The following LDLRAD4 variants were observed in gnomAD, a reference collection of about 807,000 sequenced individuals.
The protein encoded by LDLRAD4 is low-density lipoprotein receptor class A domain-containing protein 4.
Under a neutral mutation model 17.0 loss-of-function variants are expected in LDLRAD4, and 5 were observed. The observed-to-expected ratio is 0.29, with a 90% CI of 0.15 to 0.62. LDLRAD4 has a LOEUF of 0.62. LDLRAD4 is among the 20% of genes least tolerant of loss of function. The pLI is 0.84. For synonymous variants in LDLRAD4, 168 were observed against 171.8 expected (o/e 0.98, Z 0.17); for missense variants, 340 against 424.7 (o/e 0.80, Z 1.75).
At chr18:13,397,565 C>T (rs2086803480) in intron 2 of LDLRAD4, among the ~76,000 whole-genome samples, 1 of 152,186 alleles carries the variant, frequency 6.6e-6, no homozygotes, top group Non-Finnish European at 1.5e-5. Context: ...CTGTTCCCTG[C>T]TGGGTTTGTC....
At chr18:13,443,485 C>G (rs1432352074) in intron 3 of LDLRAD4, among the ~76,000 whole-genome samples, 1 of 152,154 alleles carries the variant, frequency 6.6e-6, no homozygotes, top group African/African-American at 2.4e-5. Context: ...CCATAATTCT[C>G]TATATTAGAG....
intron 3 of LDLRAD4, among the ~76,000 whole-genome samples, chr18:13,495,571 C>A (rs769594248): frequency 2.4e-4 from 37 of 152,166 alleles, no homozygotes; most frequent in Non-Finnish European, 1.0e-4. Context: ...AATACTGTGG[C>A]TTAGTAAAAT....
chr18:13,624,668 C>T (rs180747806), intron 4 of LDLRAD4, among the ~76,000 whole-genome samples: 1 of 152,186 alleles, frequency 6.6e-6, no homozygotes, highest in Non-Finnish European at 1.5e-5. Flanking sequence ...GTGCAGTTGG[C>T]GAGGGCAGTT....
At chr18:13,601,310 C>A (rs1180824630) in intron 3 of LDLRAD4, among the ~76,000 whole-genome samples, 1 of 152,118 alleles carries the variant, frequency 6.6e-6, no homozygotes, top group East Asian at 1.9e-4. Flanking sequence ...AAAAACTGGG[C>A]AAAGGACATG....
intron 3 of LDLRAD4, among the ~76,000 whole-genome samples, chr18:13,544,268 AG>A (rs895272084): frequency 2.6e-5 from 4 of 152,248 alleles, no homozygotes; most frequent in Admixed American, 6.5e-5. Context: ...GCAGTGGGCC[AG>A]GGACTTGTCT....
At chr18:13,304,507 T>C (rs1168039483) in intron 1 of LDLRAD4, among the ~76,000 whole-genome samples, 1 of 152,106 alleles carries the variant, frequency 6.6e-6, no homozygotes. Flanking sequence ...CAGCATGCTG[T>C]CGCAGCACAG....
intron 4 of LDLRAD4, among the ~76,000 whole-genome samples, chr18:13,624,531 G>T (rs1194111039): frequency 6.6e-6 from 1 of 152,202 alleles, no homozygotes; most frequent in African/African-American, 2.4e-5. Flanking sequence ...CCTAGGGGAG[G>T]CTAGGGGTCT....
rs950456182 is a variant in LDLRAD4, at chr18:13,622,239, C to A, written c.336+968C>A. Among the ~76,000 whole-genome samples, 3 of 152,120 alleles carry A rather than the reference C, an allele frequency of 2.0e-5. No homozygotes were observed. The highest frequency in any genetic ancestry group is 7.2e-5 in the African/African-American group (3 of 41,444). ...GGGGTGGCCGCTGGCCCTGGGACCC[C>A]TCTCAGGAGTGCAGGCTCACACTTC... On this transcript the variant is annotated intron_variant, in intron 4 of 5. Transcript: ENST00000359446. The surrounding 1 kb of genome is among the most constrained non-coding windows in gnomAD (Gnocchi z 5.3).
intron 2 of LDLRAD4, among the ~76,000 whole-genome samples, chr18:13,393,231 C>G (rs896660925): frequency 6.6e-6 from 1 of 152,226 alleles, no homozygotes; most frequent in South Asian, 2.1e-4. Context: ...ATATTGAGAG[C>G]TGTTCCTCCA....
chr18:13,297,611 A>C (rs989613959), intron 1 of LDLRAD4, among the ~76,000 whole-genome samples: 1 of 152,224 alleles, frequency 6.6e-6, no homozygotes, highest in Admixed American at 6.5e-5. Flanking sequence ...CTTGGGTAAC[A>C]TAATGAGACC....
intron 1 of LDLRAD4, among the ~76,000 whole-genome samples, chr18:13,347,190 G>A (rs990405915): frequency 1.1e-4 from 17 of 152,226 alleles, no homozygotes; most frequent in African/African-American, 4.1e-4. Context: ...AATTTGGCAT[G>A]TTTTTGCAGT....
chr18:13,368,401 G>A (rs565694451), intron 1 of LDLRAD4, among the ~76,000 whole-genome samples: 3 of 152,278 alleles, frequency 2.0e-5, no homozygotes, highest in South Asian at 2.1e-4. Context: ...GCACTGCCCC[G>A]GCCTGTCTCA....
At chr18:13,569,674 A>G (rs2148325240) in intron 3 of LDLRAD4, among the ~76,000 whole-genome samples, 1 of 152,320 alleles carries the variant, frequency 6.6e-6, no homozygotes, top group South Asian at 2.1e-4. Flanking sequence ...ACTTGAGGTC[A>G]GGAGTTCGAG....
intron 3 of LDLRAD4, among the ~76,000 whole-genome samples, chr18:13,534,572 A>T (rs1202750615): frequency 6.6e-6 from 1 of 152,252 alleles, no homozygotes; most frequent in Non-Finnish European, 1.5e-5. Flanking sequence ...AAGAAAGTCA[A>T]AATAAACACA....
chr18:13,313,353 A>G (rs2080754833), intron 1 of LDLRAD4, among the ~76,000 whole-genome samples: 1 of 152,096 alleles, frequency 6.6e-6, no homozygotes. Flanking sequence ...CAAGAAACCA[A>G]TTCCTTCCCC....
At chr18:13,559,953 C>T (rs142197398) in intron 3 of LDLRAD4, among the ~76,000 whole-genome samples, 54 of 152,246 alleles carry the variant, frequency 3.5e-4, no homozygotes, top group African/African-American at 1.3e-3. Context: ...GTTGGTCTGC[C>T]GTTGCATAAT....
chr18:13,417,652 T>C (rs1005664389), intron 2 of LDLRAD4, among the ~76,000 whole-genome samples: 4 of 152,162 alleles, frequency 2.6e-5, no homozygotes, highest in African/African-American at 9.7e-5. Context: ...GCCAGGATGG[T>C]CTCGATCTCC....
At chr18:13,400,465 T>C (rs1321034578) in intron 2 of LDLRAD4, among the ~76,000 whole-genome samples, 1 of 152,204 alleles carries the variant, frequency 6.6e-6, no homozygotes, top group Admixed American at 6.5e-5. Flanking sequence ...ACTGGGCTGC[T>C]GGGTGTGGGG....
At chr18:13,584,840 T>A (rs377065730) in intron 3 of LDLRAD4, among the ~76,000 whole-genome samples, 2 of 152,222 alleles carry the variant, frequency 1.3e-5, no homozygotes, top group South Asian at 4.1e-4. Flanking sequence ...TCCTTCCAAA[T>A]GAAGTGATTA....
Sources: gnomAD v4.1 joint callset for allele counts (sites outside exome capture counted in the v4.1 genomes callset) on GRCh38, gnomAD v4.1.1 for gene constraint, Gnocchi (gnomAD v3.1) non-coding constraint, MANE v1.5 for transcripts, NCBI Gene and HGNC (gene_info 2026-07-23, HGNC 2026-07-21) for gene names.